UPF2: variants seen among roughly 807,000 people sequenced by gnomAD.
UPF2 encodes UPF2 regulator of nonsense mediated mRNA decay, also known as regulator of nonsense transcripts 2.
UPF2 carries 17 observed loss-of-function variants against 141.4 expected under a neutral mutation model. That is an observed-to-expected ratio of 0.12 (90% CI 0.08 to 0.18). The LOEUF is 0.18. Ranked by LOEUF, UPF2 falls within the 10% of genes least tolerant of loss-of-function variation. The pLI, the probability that UPF2 is intolerant of heterozygous loss-of-function variation, is 1.00. For synonymous variants in UPF2, 540 were observed against 498.0 expected (o/e 1.08, Z -1.12); for missense variants, 1,152 against 1,515.9 (o/e 0.76, Z 3.99).
intron 3 of UPF2, among the ~76,000 whole-genome samples, chr10:12,020,011 C>T (rs1001782131): frequency 6.6e-6 from 1 of 152,138 alleles, no homozygotes; most frequent in Admixed American, 6.5e-5. Context: ...AGGCATGAGC[C>T]ACCACGCCCA....
chr10:11,986,385 A>T (rs769419824), intron 8 of UPF2, among the ~76,000 whole-genome samples: 3 of 152,152 alleles, frequency 2.0e-5, no homozygotes, highest in Non-Finnish European at 4.4e-5. Context: ...GTAAACAGTC[A>T]CTAACTACAA....
intron 3 of UPF2, among the ~76,000 whole-genome samples, chr10:12,023,281 G>C (rs539076919): frequency 1.3e-5 from 2 of 152,110 alleles, no homozygotes; most frequent in South Asian, 2.1e-4. Flanking sequence ...GAGAAAGTAA[G>C]GCTATTAATT....
rs535933427 is a variant in UPF2 at position 11,988,691 on chromosome 10, T to C, written c.1844+8981A>G. On this transcript the variant is annotated intron_variant, in intron 8 of 21. Coordinates refer to ENST00000357604, the MANE Select transcript of UPF2 (RefSeq NM_015542.4). Reference sequence around the variant, plus strand: ...ACGAGGCCAGGATGCCAAAAGGTGATAGTATTTCCTTGCCCCCTCTCCCAA... The same window carrying C: ...ACGAGGCCAGGATGCCAAAAGGTGACAGTATTTCCTTGCCCCCTCTCCCAA... 1.1e-3 allele frequency among the ~76,000 whole-genome samples: 163 copies of C among 152,222 alleles called. No individual in the cohort carries two copies. In the Middle Eastern group the frequency reaches 0.014, roughly 13 times the overall value.
chr10:11,987,595 T>C (rs892685986), intron 8 of UPF2, among the ~76,000 whole-genome samples: 3 of 151,002 alleles, frequency 2.0e-5, no homozygotes, highest in African/African-American at 7.3e-5. Flanking sequence ...CCGTCTCTAC[T>C]AAAAAAATAT....
intron 5 of UPF2, among the ~76,000 whole-genome samples, 174 bp downstream of exon 5, chr10:12,004,355 TA>T (rs1196900602): frequency 6.6e-6 from 1 of 152,194 alleles, no homozygotes; most frequent in Non-Finnish European, 1.5e-5. Flanking sequence ...GTATGTCAAT[TA>T]TCATCCTTTA....
rs754031302 is a variant in UPF2, at chr10:11,956,314, G to A, written c.2574+6C>T. The A allele has an allele frequency of 2.5e-6, 4 of 1,613,544 alleles. No individual in the cohort carries two copies. The Admixed American group carries it at 5.0e-5, about 20-fold the overall frequency. ...GTTGTGTGACATTAAAGGAAGTCTT[G>A]TTTACCTCCATTCCTAATCGAATAT... is the stretch of plus-strand genomic sequence containing the variant. On this transcript the variant is annotated splice_donor_region_variant and intron_variant, in intron 13 of 21. Coordinates refer to ENST00000357604, the MANE Select transcript of UPF2 (RefSeq NM_015542.4). This position sits in a 1 kb window ranked among gnomAD's most constrained non-coding sequence, Gnocchi z 4.2.
At chr10:11,985,930 G>A (rs1833683757) in intron 8 of UPF2, among the ~76,000 whole-genome samples, 1 of 96,694 alleles carries the variant, frequency 1.0e-5, no homozygotes, top group Non-Finnish European at 1.8e-5. Flanking sequence ...TGTCGCCCAG[G>A]CTGGAGTGCA....
intron 3 of UPF2, among the ~76,000 whole-genome samples, chr10:12,021,115 A>T (rs1046808206): frequency 3.9e-5 from 6 of 152,236 alleles, no homozygotes; most frequent in African/African-American, 1.4e-4. Context: ...ATGAAGAAGA[A>T]GAAAAGAACC....
At chr10:11,949,528 A>T (rs1178607971) in intron 15 of UPF2, among the ~76,000 whole-genome samples, 2 of 152,160 alleles carry the variant, frequency 1.3e-5, no homozygotes, top group African/African-American at 4.8e-5. Flanking sequence ...TTTTTTCCTA[A>T]CGATCTCATA....
chr10:11,972,416 G>A (rs1833434963), intron 9 of UPF2, among the ~76,000 whole-genome samples: 1 of 152,020 alleles, frequency 6.6e-6, no homozygotes, highest in Non-Finnish European at 1.5e-5. Flanking sequence ...AAGTTCTAGG[G>A]TGCATGTGCA....
rs764458659 is a variant in UPF2 at position 11,936,581 on chromosome 10, C to T, written c.3510G>A (p.Pro1170=). Residue 1170 remains proline, a synonymous_variant, in exon 19 of 22, where the codon CCG becomes CCA. Transcript: ENST00000357604. The surrounding 1 kb of genome is among the most constrained non-coding windows in gnomAD (Gnocchi z 6.6). ...EGEAESADTM[P]FVMLTRKGNK... ...TGCCTTTTCTTGTTAACATGACAAACGGCATTGTGTCTGCAGACTCAGCCT... is the reference window on the plus strand; with the variant it reads ...TGCCTTTTCTTGTTAACATGACAAATGGCATTGTGTCTGCAGACTCAGCCT... 16 of 1,608,978 alleles carry T rather than the reference C, an allele frequency of 9.9e-6. No homozygotes were observed. Among genetic ancestry groups the T allele is most frequent in the South Asian group, 6.7e-5 (6 of 89,746 alleles).
In UPF2 at chr10:11,990,264, T is replaced by C. The variant is rs1833757472; in HGVS notation, c.1844+7408A>G. Among the ~76,000 whole-genome samples, 9 of 152,334 alleles carry C rather than the reference T, an allele frequency of 5.9e-5. No individual in the cohort carries two copies. The South Asian group carries it at 1.9e-3, about 32-fold the overall frequency. Reference sequence around the variant, plus strand: ...AGTTTGACCACTTATCCTCAAGTTCTACCTTTCAATGATAAACCCATATTC... The same window carrying C: ...AGTTTGACCACTTATCCTCAAGTTCCACCTTTCAATGATAAACCCATATTC... On this transcript the variant is annotated intron_variant, in intron 8 of 21. Transcript: ENST00000357604.
chr10:12,018,706 C>A (rs893166987), intron 3 of UPF2, among the ~76,000 whole-genome samples: 1 of 152,082 alleles, frequency 6.6e-6, no homozygotes, highest in African/African-American at 2.4e-5. Context: ...AAGCCGTGAC[C>A]GTGCCACTGT....
At chr10:11,946,308 TA>T (rs1393740194) in intron 16 of UPF2, among the ~76,000 whole-genome samples, 4 of 152,234 alleles carry the variant, frequency 2.6e-5, no homozygotes, top group Admixed American at 2.0e-4. Context: ...CATCTGACCG[TA>T]GAAAACTTTA....
At chr10:12,001,651 G>C (rs1461677921) in intron 6 of UPF2, 25 bp downstream of exon 6, 2 of 1,575,416 alleles carry the variant, frequency 1.3e-6, no homozygotes, top group African/African-American at 1.4e-5. Context: ...AATTAAAAAT[G>C]AAAGTTGGTA....
intron 7 of UPF2, among the ~76,000 whole-genome samples, chr10:11,999,263 G>C (rs565057445): frequency 6.6e-6 from 1 of 151,504 alleles, no homozygotes; most frequent in Non-Finnish European, 1.5e-5. Flanking sequence ...CCTGTAATCC[G>C]AGCACTTCGG....
chr10:12,039,945 T>C (rs1211684222), intron 1 of UPF2, among the ~76,000 whole-genome samples: 1 of 152,114 alleles, frequency 6.6e-6, no homozygotes, highest in African/African-American at 2.4e-5. Flanking sequence ...GAAGATAAAA[T>C]AACATCTTAA....
At chr10:11,928,525 C>T (rs867051019) in intron 21 of UPF2, among the ~76,000 whole-genome samples, 8 of 150,578 alleles carry the variant, frequency 5.3e-5, no homozygotes, top group Middle Eastern at 3.5e-3. Flanking sequence ...CTGGCTAACA[C>T]GGTGAAACCC....
In UPF2 at chr10:11,955,411, T is replaced by C; in HGVS notation, c.2671A>G (p.Arg891Gly). ...AATGAGGTAAAAGAATACAGAGTTC[T>C]GAAAATAACAGCTGATTCCACCATT... is the stretch of plus-strand genomic sequence containing the variant. The part of the protein sequence containing the change: ...YRMVESAVIF[R>G]TLYSFTSFGV... The change falls in exon 14 of 22, where the codon AGA (arginine) becomes GGA (glycine). Residue 891 changes from arginine (R) to glycine (G), a missense_variant. By Grantham distance (125) the Arg-to-Gly change is moderately radical. Transcript: ENST00000357604. 1 of 1,614,208 alleles carries C rather than the reference T, an allele frequency of 6.2e-7. No homozygotes were observed. The highest frequency in any genetic ancestry group is 1.1e-5 in the South Asian group (1 of 91,086).
Sources: allele counts gnomAD v4.1 joint callset (sites outside exome capture counted in the v4.1 genomes callset), GRCh38; gene constraint gnomAD v4.1.1; non-coding constraint Gnocchi (gnomAD v3.1); transcripts MANE v1.5; gene names NCBI Gene and HGNC (gene_info 2026-07-23, HGNC 2026-07-21).